Variants in ANGPTL2 observed in about 807,000 individuals in gnomAD.
ANGPTL2 encodes the protein angiopoietin-related protein 2.
Under a neutral mutation model 52.8 loss-of-function variants are expected in ANGPTL2, and 25 were observed. The observed-to-expected ratio is 0.47, with a 90% CI of 0.35 to 0.66. ANGPTL2 has a LOEUF of 0.66. Ranked by LOEUF, ANGPTL2 falls within the 30% of genes least tolerant of loss-of-function variation. The pLI, the probability that ANGPTL2 is intolerant of heterozygous loss-of-function variation, is 0.01. For missense variants in ANGPTL2, 546 were observed against 656.9 expected (o/e 0.83, Z 1.84); for synonymous variants, 276 against 277.4 (o/e 1.00, Z 0.05).
chr9:127,113,747 G>GAC (rs2055105760), intron 1 of ANGPTL2, among the ~76,000 whole-genome samples: 1 of 152,228 alleles, frequency 6.6e-6, no homozygotes, highest in South Asian at 2.1e-4. Flanking sequence ...TGTGCCACGT[G>GAC]ACAGCCTTTG....
rs973809191 is a variant in ANGPTL2 at position 127,094,677 on chromosome 9, G to A, written c.818-751C>T. On this transcript the variant is annotated intron_variant, in intron 2 of 4. Transcript: ENST00000373425. ...TGAATCTGTGTGTTTTCCAAAGGAA[G>A]CTCAGTGAGGGCCAGATGCTTGGCA... 1.8e-4 allele frequency among the ~76,000 whole-genome samples: 28 copies of A among 152,326 alleles called. 1 individual carries two copies. In the East Asian group the frequency reaches 4.6e-3, roughly 25 times the overall value.
chr9:127,088,832 TCC>T lies in ANGPTL2; in HGVS notation c.*105_*106del. ...AAAACAGAATCCAGCATCCCGGTCC[TCC>T]CAGCCTCAGGATGAACTGGTGAGGA... On this transcript the variant is annotated 3_prime_UTR_variant, in exon 5 of 5. Transcript: ENST00000373425. 10 of 1,334,480 alleles carry T rather than the reference TCC, an allele frequency of 7.5e-6. No homozygotes were observed. Among genetic ancestry groups the T allele is most frequent in the Non-Finnish European group, 1.1e-5 (10 of 943,356 alleles). The allele number at this position is 1,334,480 out of a possible 1,614,324, so 82.7% of individuals were successfully genotyped here.
intron 2 of ANGPTL2, among the ~76,000 whole-genome samples, chr9:127,095,298 T>G (rs1022903467): frequency 6.6e-6 from 1 of 151,930 alleles, no homozygotes; most frequent in Non-Finnish European, 1.5e-5. Flanking sequence ...CCCGGGAGGG[T>G]GAGGCAGGAG....
intron 4 of ANGPTL2, 28 bp from the exon 5 acceptor site, chr9:127,089,166 G>A (rs765742804): frequency 2.9e-5 from 47 of 1,611,854 alleles, no homozygotes; most frequent in Non-Finnish European, 6.8e-6. Context: ...GTGAGAGGGT[G>A]TCTGGGAGGA....
intron 1 of ANGPTL2, among the ~76,000 whole-genome samples, chr9:127,114,599 C>A (rs1194804478): frequency 1.3e-5 from 2 of 152,226 alleles, no homozygotes; most frequent in Non-Finnish European, 2.9e-5. Context: ...AGGTTGTAGT[C>A]CTGCCTGGAG....
At chr9:127,116,546 C>T (rs148939606) in intron 1 of ANGPTL2, among the ~76,000 whole-genome samples, 4 of 152,224 alleles carry the variant, frequency 2.6e-5, no homozygotes, top group Non-Finnish European at 5.9e-5. Flanking sequence ...GCTGCATTTC[C>T]GGCAGTGCCT....
At chr9:127,118,041 C>A (rs533262852) in intron 1 of ANGPTL2, among the ~76,000 whole-genome samples, 1 of 152,302 alleles carries the variant, frequency 6.6e-6, no homozygotes, top group Admixed American at 6.5e-5. Flanking sequence ...AGAGGCCTGG[C>A]TCCCCACACC....
Position 127,091,445 on chromosome 9 carries a change from AT to A in ANGPTL2, c.1282+224del, listed in dbSNP as rs573888290. Among the ~76,000 whole-genome samples the A allele has an allele frequency of 0.024, 3,584 of 148,112 alleles. 49 individuals are homozygous for A. Among genetic ancestry groups the A allele is most frequent in the Middle Eastern group, 0.051 (15 of 292 alleles). Reference sequence around the variant, plus strand: ...ACCTCTTTATGTCTCGCCCCATCCCATTTTTTTTTTCTTAATTTGTAAATGC... The same window carrying A: ...ACCTCTTTATGTCTCGCCCCATCCCATTTTTTTTTCTTAATTTGTAAATGC... On this transcript the variant is annotated intron_variant, in intron 4 of 4. Coordinates refer to ENST00000373425, the MANE Select transcript of ANGPTL2 (RefSeq NM_012098.3). The surrounding 1 kb of genome is among the most constrained non-coding windows in gnomAD (Gnocchi z 4.3).
chr9:127,118,461 T>A (rs2055683094), intron 1 of ANGPTL2, among the ~76,000 whole-genome samples: 1 of 152,262 alleles, frequency 6.6e-6, no homozygotes, highest in South Asian at 2.1e-4. Context: ...GAATTGATTC[T>A]TTCTTGAGAT....
chr9:127,105,336 C>G (rs1204859212), intron 2 of ANGPTL2, among the ~76,000 whole-genome samples: 2 of 152,190 alleles, frequency 1.3e-5, no homozygotes, highest in Non-Finnish European at 2.9e-5. Context: ...GTGCAGGACA[C>G]TTGGATACAC....
chr9:127,093,687 G>A, intron 3 of ANGPTL2, 46 bp downstream of exon 3: 1 of 1,603,232 alleles, frequency 6.2e-7, no homozygotes, highest in Non-Finnish European at 8.5e-7. Flanking sequence ...CTTGGGGTGG[G>A]CCAGTCACCT....
At chr9:127,118,319 TAGAAA>T (rs2055662453) in intron 1 of ANGPTL2, among the ~76,000 whole-genome samples, 1 of 152,224 alleles carries the variant, frequency 6.6e-6, no homozygotes. Context: ...AGTTTTGTCA[TAGAAA>T]CTACCCCCAG....
In ANGPTL2 at chr9:127,122,079, C is replaced by T. The variant is rs62578765; in HGVS notation, c.-50+236G>A. 1.3e-5 allele frequency among the ~76,000 whole-genome samples: 2 copies of T among 152,002 alleles called. No homozygotes were observed. Among genetic ancestry groups the T allele is most frequent in the African/African-American group, 4.8e-5 (2 of 41,414 alleles). ...GTCCAAAAGAGGAGAGTGAGGCTTA[C>T]TCATGAAGTCCTCGAGATGCCAGCC... is the stretch of plus-strand genomic sequence containing the variant. On this transcript the variant is annotated intron_variant, in intron 1 of 4. Transcript: ENST00000373425. This position sits in a 1 kb window ranked among gnomAD's most constrained non-coding sequence, Gnocchi z 6.4.
intron 2 of ANGPTL2, among the ~76,000 whole-genome samples, chr9:127,095,858 T>C (rs2136590877): frequency 6.6e-6 from 1 of 152,338 alleles, no homozygotes; most frequent in Non-Finnish European, 1.5e-5. Context: ...AAGCCTTGTG[T>C]TTGAGCATTC....
chr9:127,110,921 AC>A (rs1027458919), intron 1 of ANGPTL2, among the ~76,000 whole-genome samples: 1 of 151,790 alleles, frequency 6.6e-6, no homozygotes, highest in African/African-American at 2.4e-5. Context: ...TGCCCATCCT[AC>A]CTTCTGTCCT....
intron 2 of ANGPTL2, among the ~76,000 whole-genome samples, chr9:127,101,525 A>C (rs1269196536): frequency 6.6e-6 from 1 of 152,018 alleles, no homozygotes; most frequent in Non-Finnish European, 1.5e-5. Context: ...ATCCTTCACC[A>C]TCCTGAGCTG....
chr9:127,091,784 T>G lies in ANGPTL2; in HGVS notation c.1168A>C (p.Ser390Arg). ...CCCAGCCGCAGCTTATAATACTCGC[T>G]CTCAGGTTCCAGGCGGAAACTGGCG... ...EYASFRLEPESEYYKLRLGRY... is the reference protein window; with the variant it reads ...EYASFRLEPEREYYKLRLGRY... The change falls in exon 4 of 5, where the codon AGC becomes CGC. Residue 390 changes from serine to arginine, a missense_variant. Ser to Arg is a moderately radical substitution (Grantham distance 110). Coordinates refer to ENST00000373425, the MANE Select transcript of ANGPTL2 (RefSeq NM_012098.3). The surrounding 1 kb of genome is among the most constrained non-coding windows in gnomAD (Gnocchi z 4.3). 6.2e-7 allele frequency: 1 copy of G among 1,614,162 alleles called. No homozygotes were observed. Among genetic ancestry groups the G allele is most frequent in the Non-Finnish European group, 8.5e-7 (1 of 1,180,026 alleles).
intron 2 of ANGPTL2, among the ~76,000 whole-genome samples, chr9:127,098,850 T>C (rs2053433981): frequency 6.6e-6 from 1 of 152,116 alleles, no homozygotes; most frequent in Admixed American, 6.5e-5. Context: ...TATTTCCAGT[T>C]CTCTCTCTGT....
At chr9:127,111,696 T>C (rs1189832247) in intron 1 of ANGPTL2, among the ~76,000 whole-genome samples, 1 of 152,234 alleles carries the variant, frequency 6.6e-6, no homozygotes, top group Admixed American at 6.5e-5. Flanking sequence ...TCCCGTGTTC[T>C]CATAATCTCC....
Sources: allele counts gnomAD v4.1 joint callset (sites outside exome capture counted in the v4.1 genomes callset), GRCh38; gene constraint gnomAD v4.1.1; non-coding constraint Gnocchi (gnomAD v3.1); transcripts MANE v1.5; gene names NCBI Gene and HGNC (gene_info 2026-07-23, HGNC 2026-07-21).